The following MTX2 variants were observed in gnomAD, a reference collection of about 807,000 sequenced individuals.
The protein encoded by MTX2 is metaxin 2, also known as metaxin-2.
Under a neutral mutation model 42.3 loss-of-function variants are expected in MTX2, and 35 were observed. The observed-to-expected ratio is 0.83, with a 90% CI of 0.63 to 1.10. The LOEUF (loss-of-function observed/expected upper bound fraction) is 1.10. Among genes scored for constraint, MTX2 ranks in the 50% least tolerant of loss-of-function variants. The probability of loss-of-function intolerance (pLI) is 0.00; values close to 1 mark genes in which losing one functional copy is unlikely to be tolerated. For synonymous variants in MTX2, 119 were observed against 100.9 expected (o/e 1.18, Z -1.08); for missense variants, 307 against 304.1 (o/e 1.01, Z -0.07).
chr2:176,325,942 C>A (rs1684696461), intron 4 of MTX2, among the ~76,000 whole-genome samples: 1 of 151,442 alleles, frequency 6.6e-6, no homozygotes, highest in African/African-American at 2.4e-5. Context: ...CTCTGTACTT[C>A]ATCCATTACC....
At position 176,297,309 on chromosome 2, in the gene MTX2, C is replaced by T. The variant is rs1193306153; in HGVS notation, c.88+402C>T. Among the ~76,000 whole-genome samples the T allele has an allele frequency of 5.3e-5, 8 of 152,154 alleles. No individual in the cohort carries two copies. In the East Asian group the frequency reaches 1.5e-3, roughly 29 times the overall value. ...CCTTTAGCAGCTCTTCATATATCAT[C>T]AGATCACATTATGGACCCCATTTGG... is the stretch of plus-strand genomic sequence containing the variant. On this transcript the variant is annotated intron_variant, in intron 2 of 9. Transcript: ENST00000249442.
At chr2:176,279,538 TTA>T (rs1424196324) in intron 1 of MTX2, among the ~76,000 whole-genome samples, 1 of 152,150 alleles carries the variant, frequency 6.6e-6, no homozygotes, top group East Asian at 1.9e-4. Context: ...TAAAAAAAGA[TTA>T]TGTCTTTATG....
At chr2:176,326,692 A>G (rs991661295) in intron 4 of MTX2, 133 bp from the exon 5 acceptor site, 11 of 573,518 alleles carry the variant, frequency 1.9e-5, no homozygotes, top group Non-Finnish European at 3.2e-5. Context: ...CATCTGACAA[A>G]AATTTTCAAA....
rs1037434141 is a variant in MTX2, at chr2:176,269,476, C to T, written c.-154C>T. The T allele has an allele frequency of 8.6e-6, 7 of 815,648 alleles. No individual in the cohort carries two copies. Among genetic ancestry groups the T allele is most frequent in the East Asian group, 6.4e-5 (2 of 31,152 alleles). 50.5% of individuals were successfully genotyped at this position (815,648 alleles called of 1,614,324 possible). A position where few individuals can be genotyped will look rare whatever the true frequency, so the allele number is the denominator to read the frequency against. ...CAGGCCTGGCGGTAACCTTGGGGGC[C>T]TCACTGCAGCCGCCGCTGCTGTTGG... On this transcript the variant is annotated 5_prime_UTR_variant, in exon 1 of 10. Transcript: ENST00000249442.
rs192430353 is a variant in MTX2 at position 176,277,631 on chromosome 2, A to G, written c.40+7962A>G. On this transcript the variant is annotated intron_variant, in intron 1 of 9. Transcript: ENST00000249442. ...TGTTCAGGCTGGTCTCGAACTCCCG[A>G]CCTCAGGTGATCTGCCCACCCCGGC... 1.7e-3 allele frequency among the ~76,000 whole-genome samples: 265 copies of G among 152,208 alleles called. 2 individuals carry two copies. The highest frequency in any genetic ancestry group is 5.8e-3 in the African/African-American group (241 of 41,512).
chr2:176,333,175 A>G (rs991672480), intron 9 of MTX2, among the ~76,000 whole-genome samples: 1 of 151,588 alleles, frequency 6.6e-6, no homozygotes, highest in Non-Finnish European at 1.5e-5. Flanking sequence ...GATAAATGCA[A>G]TAATATATGA....
chr2:176,329,882 C>CGTCTGTCT (rs35291332), intron 8 of MTX2, among the ~76,000 whole-genome samples: 71 of 148,944 alleles, frequency 4.8e-4, no homozygotes, highest in African/African-American at 1.6e-3. Flanking sequence ...GTACTTTGTC[C>CGTCTGTCT]GTCTGTCTGT....
chr2:176,327,958 CAT>C (rs1318195902), intron 5 of MTX2, among the ~76,000 whole-genome samples: 2 of 151,062 alleles, frequency 1.3e-5, no homozygotes, highest in East Asian at 1.9e-4. Flanking sequence ...ATAAACAGCA[CAT>C]GTCAGTCTTT....
intron 1 of MTX2, among the ~76,000 whole-genome samples, chr2:176,285,418 C>CTTTT (rs61139522): frequency 2.3e-5 from 3 of 130,788 alleles, no homozygotes; most frequent in Non-Finnish European, 1.6e-5. Context: ...TTGCCACAAT[C>CTTTT]TTTTTTTTTT....
At chr2:176,307,591 T>C (rs1684185140) in intron 3 of MTX2, among the ~76,000 whole-genome samples, 1 of 152,208 alleles carries the variant, frequency 6.6e-6, no homozygotes, top group South Asian at 2.1e-4. Context: ...AGCAGTAGTT[T>C]GTAGTTCTCC....
chr2:176,329,527 A>C (rs1352597032), intron 8 of MTX2, 101 bp downstream of exon 8: 1 of 1,170,578 alleles, frequency 8.5e-7, no homozygotes, highest in East Asian at 2.9e-5. Context: ...TAAGATTTGC[A>C]AGAAAACCAT....
In MTX2 at chr2:176,328,577, T is replaced by G. The variant is rs1684777203; in HGVS notation, c.378+192T>G. ...CTGACATTTTCAGTTCTAGTTTTTC[T>G]GTTTATAAAAAGGAGTGATTCTTGC... On this transcript the variant is annotated intron_variant, in intron 6 of 9. Coordinates refer to ENST00000249442, the MANE Select transcript of MTX2 (RefSeq NM_006554.5). Among the ~76,000 whole-genome samples the G allele has an allele frequency of 2.6e-5, 4 of 151,284 alleles. No homozygotes were observed. In the East Asian group the frequency reaches 5.8e-4, roughly 22 times the overall value.
At chr2:176,286,080 T>C (rs933322801) in intron 1 of MTX2, among the ~76,000 whole-genome samples, 7 of 152,230 alleles carry the variant, frequency 4.6e-5, no homozygotes, top group African/African-American at 1.7e-4. Flanking sequence ...AAGTGGCATC[T>C]CATGGTGGTT....
intron 3 of MTX2, among the ~76,000 whole-genome samples, chr2:176,301,044 G>A (rs995391420): frequency 1.3e-5 from 2 of 151,064 alleles, no homozygotes; most frequent in African/African-American, 4.8e-5. Context: ...AATCTTTTTT[G>A]GACATGTTTG....
intron 1 of MTX2, chr2:176,270,372 A>G: frequency 7.3e-7 from 1 of 1,363,552 alleles, no homozygotes; most frequent in Non-Finnish European, 9.8e-7. Flanking sequence ...CATGTACTTT[A>G]AAGAAATACT....
chr2:176,298,030 A>G (rs1227159390), intron 3 of MTX2, 135 bp downstream of exon 3: 2 of 478,484 alleles, frequency 4.2e-6, no homozygotes, highest in Non-Finnish European at 7.2e-6. Context: ...ATTTACCATT[A>G]TCTATATAAC....
At chr2:176,326,788 A>T in intron 4 of MTX2, 37 bp from the exon 5 acceptor site, 2 of 1,254,948 alleles carry the variant, frequency 1.6e-6, no homozygotes, top group Non-Finnish European at 2.2e-6. Context: ...AACATACTGG[A>T]AGTATTTTTA....
chr2:176,283,242 C>G (rs1402729082), intron 1 of MTX2, among the ~76,000 whole-genome samples: 1 of 152,150 alleles, frequency 6.6e-6, no homozygotes, highest in East Asian at 1.9e-4. Context: ...CCCCTAATCC[C>G]ACCTCCCTTT....
chr2:176,328,880 C>T lies in MTX2; in HGVS notation c.385C>T (p.Leu129Phe). Residue 129 changes from leucine (L) to phenylalanine (F), a missense_variant, in exon 7 of 10, where the codon CTT becomes TTT. Leu to Phe is a conservative substitution (Grantham distance 22). Coordinates refer to ENST00000249442, the MANE Select transcript of MTX2 (RefSeq NM_006554.5). ...ACTGTTCTTTTGTTCCTAGCTGTAT[C>T]TTCAGTGGTGTGATGAAGCTACAGT... is the stretch of plus-strand genomic sequence containing the variant. The part of the protein sequence containing the change: ...NNMLLTAELY[L>F]QWCDEATVGE... 1.2e-6 allele frequency: 2 copies of T among 1,607,054 alleles called. No homozygotes were observed. Among genetic ancestry groups the T allele is most frequent in the Non-Finnish European group, 8.5e-7 (1 of 1,175,262 alleles).
Sources: gnomAD v4.1 joint callset for allele counts (sites outside exome capture counted in the v4.1 genomes callset) on GRCh38, gnomAD v4.1.1 for gene constraint, MANE v1.5 for transcripts, NCBI Gene and HGNC (gene_info 2026-07-23, HGNC 2026-07-21) for gene names.